Variants in XYLT1 observed in about 807,000 individuals in gnomAD.
The protein encoded by XYLT1 is beta-D-xylosyltransferase 1.
Under a neutral mutation model 91.3 loss-of-function variants are expected in XYLT1, and 36 were observed. The ratio of observed to expected loss-of-function variants is 0.39; its 90% CI spans 0.30 to 0.52. The LOEUF is 0.52. Ranked by LOEUF, XYLT1 falls within the 20% of genes least tolerant of loss-of-function variation. XYLT1 has a pLI of 0.68. For missense variants in XYLT1, 1,242 were observed against 1,284.5 expected (o/e 0.97, Z 0.51); for synonymous variants, 588 against 532.0 (o/e 1.11, Z -1.45).
chr16:17,464,267 T>G (rs2141962565), intron 1 of XYLT1, among the ~76,000 whole-genome samples: 1 of 152,224 alleles, frequency 6.6e-6, no homozygotes, highest in South Asian at 2.1e-4. Context: ...GGCAGGCAGA[T>G]CACCTGAGGC....
chr16:17,358,085 T>G (rs1277989616), intron 1 of XYLT1, 35 bp from the exon 2 acceptor site: 1 of 1,593,466 alleles, frequency 6.3e-7, no homozygotes, highest in Middle Eastern at 1.7e-4. Flanking sequence ...ACGTGAGGAG[T>G]GAAAAAAAGT....
chr16:17,226,449 C>A (rs1433997950), intron 3 of XYLT1, among the ~76,000 whole-genome samples: 1 of 152,192 alleles, frequency 6.6e-6, no homozygotes, highest in Non-Finnish European at 1.5e-5. Flanking sequence ...TCTCTGGACT[C>A]GATCCACTAA....
At chr16:17,462,335 AGGGTGTCT>A (rs1256493525) in intron 1 of XYLT1, among the ~76,000 whole-genome samples, 1 of 152,166 alleles carries the variant, frequency 6.6e-6, no homozygotes, top group African/African-American at 2.4e-5. Flanking sequence ...CTCATCTGGC[AGGGTGTCT>A]GGGTTTGCAG....
intron 3 of XYLT1, among the ~76,000 whole-genome samples, chr16:17,210,388 C>A (rs1241850155): frequency 3.3e-5 from 5 of 152,068 alleles, no homozygotes; most frequent in Admixed American, 3.3e-4. Context: ...ACCAGCCTGA[C>A]CAATATGGTG....
At chr16:17,328,844 T>C (rs939971869) in intron 2 of XYLT1, among the ~76,000 whole-genome samples, 2 of 152,188 alleles carry the variant, frequency 1.3e-5, no homozygotes, top group African/African-American at 2.4e-5. Context: ...TGATAGAGTT[T>C]AGAAAAATTC....
chr16:17,224,749 C>T (rs1371936632), intron 3 of XYLT1, among the ~76,000 whole-genome samples: 1 of 152,184 alleles, frequency 6.6e-6, no homozygotes, highest in Admixed American at 6.5e-5. Context: ...TGACACTTAT[C>T]AACATTTCTT....
At chr16:17,301,714 G>A (rs2034398555) in intron 2 of XYLT1, among the ~76,000 whole-genome samples, 1 of 152,094 alleles carries the variant, frequency 6.6e-6, no homozygotes, top group Non-Finnish European at 1.5e-5. Flanking sequence ...AGACTCCACC[G>A]CAACAACAGG....
chr16:17,424,883 A>C (rs2036295610), intron 1 of XYLT1, among the ~76,000 whole-genome samples: 1 of 151,866 alleles, frequency 6.6e-6, no homozygotes, highest in Non-Finnish European at 1.5e-5. Flanking sequence ...AAAAAAAAAA[A>C]AAAAAAGATA....
intron 1 of XYLT1, among the ~76,000 whole-genome samples, chr16:17,462,791 C>T (rs1381207965): frequency 2.6e-5 from 4 of 152,184 alleles, no homozygotes; most frequent in South Asian, 4.1e-4. Context: ...TTCAAGACTC[C>T]TCTCTCTAGC....
At chr16:17,145,405 T>C (rs1173537846) in intron 6 of XYLT1, among the ~76,000 whole-genome samples, 5 of 152,190 alleles carry the variant, frequency 3.3e-5, no homozygotes, top group Non-Finnish European at 7.3e-5. Flanking sequence ...GGGCCAGCAA[T>C]GCAAGCTGGG....
intron 3 of XYLT1, among the ~76,000 whole-genome samples, chr16:17,229,639 C>G (rs534446202): frequency 6.6e-6 from 1 of 152,338 alleles, no homozygotes; most frequent in South Asian, 2.1e-4. Flanking sequence ...CAGCGCCAAT[C>G]ATTTTACCAT....
intron 5 of XYLT1, among the ~76,000 whole-genome samples, chr16:17,161,072 G>A (rs1461732929): frequency 6.6e-6 from 1 of 152,140 alleles, no homozygotes; most frequent in Non-Finnish European, 1.5e-5. Flanking sequence ...GGGCCGGGCC[G>A]GGGCTCCTGG....
intron 9 of XYLT1, among the ~76,000 whole-genome samples, chr16:17,130,655 C>T (rs151222434): frequency 1.2e-3 from 178 of 152,234 alleles, no homozygotes; most frequent in African/African-American, 3.0e-3. Context: ...ATCCTCTATT[C>T]TCCTTACACA....
intron 2 of XYLT1, among the ~76,000 whole-genome samples, chr16:17,323,944 C>T (rs982330180): frequency 6.6e-6 from 1 of 152,208 alleles, no homozygotes; most frequent in South Asian, 2.1e-4. Flanking sequence ...TGGCCAACTT[C>T]AGATCTAAAA....
At chr16:17,131,885 T>C (rs2030495678) in intron 9 of XYLT1, among the ~76,000 whole-genome samples, 1 of 152,194 alleles carries the variant, frequency 6.6e-6, no homozygotes, top group Non-Finnish European at 1.5e-5. Flanking sequence ...CCTGATTTAT[T>C]TTCAGGCTCC....
chr16:17,249,054 G>A (rs1316906890), intron 3 of XYLT1, among the ~76,000 whole-genome samples: 1 of 152,000 alleles, frequency 6.6e-6, no homozygotes, highest in Non-Finnish European at 1.5e-5. Flanking sequence ...TTACCCCTGT[G>A]TTTCCCTACC....
At chr16:17,169,188 T>C (rs1390677195) in intron 5 of XYLT1, among the ~76,000 whole-genome samples, 2 of 152,070 alleles carry the variant, frequency 1.3e-5, no homozygotes, top group Non-Finnish European at 2.9e-5. Context: ...TGATATGAAG[T>C]GAGACAGCAG....
chr16:17,423,337 T>A (rs533800023), intron 1 of XYLT1, among the ~76,000 whole-genome samples: 1 of 152,134 alleles, frequency 6.6e-6, no homozygotes. Flanking sequence ...TCACTGCCAC[T>A]CCTCAGGGGC....
chr16:17,295,158 A>G (rs1793101036), intron 2 of XYLT1, among the ~76,000 whole-genome samples: 1 of 152,168 alleles, frequency 6.6e-6, no homozygotes, highest in Non-Finnish European at 1.5e-5. Context: ...TAACTGGGAA[A>G]AAGCATTTCG....
Sources: gnomAD v4.1 joint callset for allele counts (sites outside exome capture counted in the v4.1 genomes callset) on GRCh38, gnomAD v4.1.1 for gene constraint, MANE v1.5 for transcripts, NCBI Gene and HGNC (gene_info 2026-07-23, HGNC 2026-07-21) for gene names.